Variants in SNTB2 observed in about 807,000 individuals in gnomAD.
SNTB2 encodes the protein syntrophin beta 2, also known as beta-2-syntrophin.
SNTB2 carries 34 observed loss-of-function variants against 46.2 expected under a neutral mutation model. The ratio of observed to expected loss-of-function variants is 0.74; its 90% CI spans 0.56 to 0.98. The LOEUF is 0.98. Ranked by LOEUF, SNTB2 falls within the 50% of genes least tolerant of loss-of-function variation. The pLI, the probability that SNTB2 is intolerant of heterozygous loss-of-function variation, is 0.00. For missense variants in SNTB2, 603 were observed against 731.4 expected (o/e 0.82, Z 2.02); for synonymous variants, 290 against 312.6 (o/e 0.93, Z 0.76).
intron 5 of SNTB2, among the ~76,000 whole-genome samples, chr16:69,286,671 G>A (rs1965105410): frequency 6.6e-6 from 1 of 150,896 alleles, no homozygotes; most frequent in Admixed American, 6.6e-5. Flanking sequence ...GGTGATGGGA[G>A]CCAGAACCTG....
At chr16:69,254,175 G>T (rs1370560749) in intron 2 of SNTB2, among the ~76,000 whole-genome samples, 1 of 152,142 alleles carries the variant, frequency 6.6e-6, no homozygotes, top group Non-Finnish European at 1.5e-5. Context: ...TGGGATGAGG[G>T]TGATTCTGAA....
intron 1 of SNTB2, among the ~76,000 whole-genome samples, chr16:69,234,713 T>C (rs1334813978): frequency 6.6e-6 from 1 of 151,768 alleles, no homozygotes; most frequent in Admixed American, 6.6e-5. Context: ...TTTTTTTTTT[T>C]TTTTTTCGAG....
chr16:69,296,195 G>A (rs1200904927), intron 5 of SNTB2, among the ~76,000 whole-genome samples: 4 of 151,956 alleles, frequency 2.6e-5, no homozygotes, highest in Non-Finnish European at 5.9e-5. Context: ...CAGGAGAATT[G>A]CTTGAACCCA....
intron 1 of SNTB2, among the ~76,000 whole-genome samples, chr16:69,225,591 G>A (rs1187174515): frequency 6.6e-6 from 1 of 152,218 alleles, no homozygotes; most frequent in Non-Finnish European, 1.5e-5. Flanking sequence ...TCTATAGCAT[G>A]TATCATGTTT....
At chr16:69,261,693 T>C (rs905670971) in intron 3 of SNTB2, among the ~76,000 whole-genome samples, 9 of 152,184 alleles carry the variant, frequency 5.9e-5, no homozygotes, top group African/African-American at 2.2e-4. Flanking sequence ...AAAAACTGAA[T>C]TGAATAGTAA....
chr16:69,275,823 A>G (rs1964981155), intron 4 of SNTB2, among the ~76,000 whole-genome samples: 1 of 152,234 alleles, frequency 6.6e-6, no homozygotes, highest in African/African-American at 2.4e-5. Flanking sequence ...GAAATTAAGG[A>G]CCTTTATTAT....
At position 69,215,098 on chromosome 16, in the gene SNTB2, C is replaced by T. The variant is rs372720532; in HGVS notation, c.580+27352C>T. Reference sequence around the variant, plus strand: ...CCACAGATGATCCACTCACCTCAGACGATCCACCCACTCCCTCCCAAAGTG... The same window carrying T: ...CCACAGATGATCCACTCACCTCAGATGATCCACCCACTCCCTCCCAAAGTG... On this transcript the variant is annotated intron_variant, in intron 1 of 6. Coordinates refer to ENST00000336278, the MANE Select transcript of SNTB2 (RefSeq NM_006750.4). 1.3e-4 allele frequency among the ~76,000 whole-genome samples: 20 copies of T among 151,898 alleles called. No individual in the cohort carries two copies. The East Asian group carries it at 1.6e-3, about 12-fold the overall frequency.
At chr16:69,285,526 CT>C (rs1439864383) in intron 5 of SNTB2, among the ~76,000 whole-genome samples, 3 of 151,108 alleles carry the variant, frequency 2.0e-5, no homozygotes, top group Admixed American at 2.0e-4. Flanking sequence ...GTCACCCAGG[CT>C]GGAGTGCAGT....
intron 1 of SNTB2, among the ~76,000 whole-genome samples, chr16:69,199,280 A>G (rs79124447): frequency 0.023 from 3,510 of 152,294 alleles, 136 homozygotes; most frequent in African/African-American, 0.08. Context: ...AAGATTTACA[A>G]TACCTTATTG....
chr16:69,282,894 G>A (rs1270022429), intron 4 of SNTB2, among the ~76,000 whole-genome samples: 2 of 152,284 alleles, frequency 1.3e-5, no homozygotes, highest in African/African-American at 4.8e-5. Flanking sequence ...ATTGTTCAAA[G>A]CAACTGACTT....
chr16:69,209,041 G>A lies in SNTB2; in HGVS notation c.580+21295G>A, dbSNP rs1448350335. On this transcript the variant is annotated intron_variant, in intron 1 of 6. Transcript: ENST00000336278. ...CGCCCAGGCTGGAGTGCAGTCGCCC[G>A]ATCTCAGCTCACTGCAAGCTCCGCC... Among the ~76,000 whole-genome samples, 5 of 150,516 alleles carry A rather than the reference G, an allele frequency of 3.3e-5. No homozygotes were observed. The East Asian group carries it at 7.7e-4, about 23-fold the overall frequency.
chr16:69,228,564 A>T (rs1964479528), intron 1 of SNTB2, among the ~76,000 whole-genome samples: 1 of 151,884 alleles, frequency 6.6e-6, no homozygotes, highest in Admixed American at 6.6e-5. Flanking sequence ...TTTTAAAGTG[A>T]AATTATTTGT....
chr16:69,203,307 T>C (rs1964183292), intron 1 of SNTB2, among the ~76,000 whole-genome samples: 2 of 151,812 alleles, frequency 1.3e-5, no homozygotes, highest in Non-Finnish European at 2.9e-5. Flanking sequence ...CGTGAGCCAC[T>C]GCGCCCAGCG....
At chr16:69,207,882 C>T (rs1006076191) in intron 1 of SNTB2, among the ~76,000 whole-genome samples, 4 of 151,652 alleles carry the variant, frequency 2.6e-5, no homozygotes, top group Admixed American at 6.6e-5. Context: ...CTGAGGCAGG[C>T]GGATCACCTG....
At chr16:69,235,637 CAGAA>C in intron 1 of SNTB2, 2 of 1,182,006 alleles carry the variant, frequency 1.7e-6, no homozygotes, top group South Asian at 3.2e-5. Flanking sequence ...AAGTGGGGAG[CAGAA>C]AGAAAGAAAA....
intron 4 of SNTB2, among the ~76,000 whole-genome samples, chr16:69,270,909 T>G (rs181453164): frequency 1.3e-5 from 2 of 152,184 alleles, no homozygotes; most frequent in Admixed American, 1.3e-4. Flanking sequence ...AATTCAAATT[T>G]TTTTGGACTT....
At chr16:69,252,918 T>TC (rs1291008532) in intron 2 of SNTB2, among the ~76,000 whole-genome samples, 2 of 151,838 alleles carry the variant, frequency 1.3e-5, no homozygotes, top group Middle Eastern at 3.4e-3. Context: ...TTTTTTTTTT[T>TC]TTTGAGATGG....
Position 69,245,827 on chromosome 16 carries a change from C to T in SNTB2, c.794+12C>T, listed in dbSNP as rs770814305. The T allele has an allele frequency of 6.2e-7, 1 of 1,611,982 alleles. No individual in the cohort carries two copies. Among genetic ancestry groups the T allele is most frequent in the Non-Finnish European group, 8.5e-7 (1 of 1,178,250 alleles). On this transcript the variant is annotated intron_variant, in intron 2 of 6. Transcript: ENST00000336278. ...GATCTGGAAAACAGGTGAGGTGTAC[C>T]TAACAAGAACATCATACCTACAGCT...
intron 2 of SNTB2, among the ~76,000 whole-genome samples, chr16:69,251,639 G>A (rs1464336305): frequency 1.3e-5 from 2 of 151,264 alleles, no homozygotes; most frequent in Non-Finnish European, 2.9e-5. Flanking sequence ...TTAGCTGGGC[G>A]TGGTGGCTCA....
Sources: allele counts gnomAD v4.1 joint callset (sites outside exome capture counted in the v4.1 genomes callset), GRCh38; gene constraint gnomAD v4.1.1; transcripts MANE v1.5; gene names NCBI Gene and HGNC (gene_info 2026-07-23, HGNC 2026-07-21).